SDHAF4: variants seen among roughly 807,000 people sequenced by gnomAD.
SDHAF4 encodes the protein succinate dehydrogenase assembly factor 4, mitochondrial.
Under a neutral mutation model 14.3 loss-of-function variants are expected in SDHAF4, and 14 were observed. The observed-to-expected ratio is 0.98, with a 90% CI of 0.65 to 1.53. The LOEUF (loss-of-function observed/expected upper bound fraction) is 1.53. Ranked by LOEUF, SDHAF4 falls within the 40% of genes most tolerant of loss-of-function variation. SDHAF4 has a pLI of 0.00. For synonymous variants in SDHAF4, 63 were observed against 47.3 expected (o/e 1.33, Z -1.36); for missense variants, 141 against 129.3 (o/e 1.09, Z -0.44).
downstream of SDHAF4, among the ~76,000 whole-genome samples, chr6:70,591,396 A>G (rs1292136244): frequency 1.4e-5 from 2 of 139,848 alleles, no homozygotes; most frequent in African/African-American, 5.6e-5. Context: ...CAGTGGCACA[A>G]TCTCCACTCA....
At chr6:70,593,332 G>A (rs762198148), downstream of SDHAF4, among the ~76,000 whole-genome samples, 6 of 152,214 alleles carry the variant, frequency 3.9e-5, no homozygotes, top group East Asian at 1.9e-4. Flanking sequence ...GTGGGCCCAC[G>A]CAGAGACTTA....
chr6:70,578,871 T>C (rs1047614646), intron 1 of SDHAF4, among the ~76,000 whole-genome samples: 12 of 152,194 alleles, frequency 7.9e-5, no homozygotes, highest in African/African-American at 2.7e-4. Context: ...TTTAGAGACA[T>C]GGTCTCACTA....
chr6:70,590,271 C>T (rs1209670984), downstream of SDHAF4, among the ~76,000 whole-genome samples: 2 of 152,116 alleles, frequency 1.3e-5, no homozygotes, highest in South Asian at 2.1e-4. Flanking sequence ...AAAAGAAAAG[C>T]ACACATTCAA....
intron 1 of SDHAF4, 76 bp from the exon 2 acceptor site, chr6:70,579,338 A>G: frequency 8.5e-7 from 1 of 1,174,580 alleles, no homozygotes; most frequent in Non-Finnish European, 1.1e-6. Flanking sequence ...CTAAAAACAA[A>G]TAAATAAAAT....
chr6:70,592,751 A>G (rs867774565), downstream of SDHAF4, among the ~76,000 whole-genome samples: 31 of 152,396 alleles, frequency 2.0e-4, no homozygotes, highest in African/African-American at 6.7e-4. Flanking sequence ...TCAAAAGGGA[A>G]GCAAAGCAGA....
chr6:70,580,078 A>G (rs752569199), intron 2 of SDHAF4, among the ~76,000 whole-genome samples: 14 of 152,102 alleles, frequency 9.2e-5, no homozygotes, highest in Middle Eastern at 3.2e-3. Flanking sequence ...TAACAAATAT[A>G]TGTGTATATT....
intron 1 of SDHAF4, among the ~76,000 whole-genome samples, chr6:70,570,762 A>G (rs943747485): frequency 6.6e-6 from 1 of 152,172 alleles, no homozygotes; most frequent in African/African-American, 2.4e-5. Flanking sequence ...AGTCATTTAG[A>G]TAAAATTGCT....
At chr6:70,593,500 G>A (rs1412563200), downstream of SDHAF4, among the ~76,000 whole-genome samples, 1 of 152,320 alleles carries the variant, frequency 6.6e-6, no homozygotes, top group East Asian at 1.9e-4. Context: ...AGAGCTACCA[G>A]TATGCAACAC....
chr6:70,574,059 G>T (rs1802219544), intron 1 of SDHAF4, among the ~76,000 whole-genome samples: 2 of 152,006 alleles, frequency 1.3e-5, no homozygotes, highest in Admixed American at 1.3e-4. Flanking sequence ...GGTGGCTCAT[G>T]CCTGTAATCC....
intron 1 of SDHAF4, chr6:70,567,306 G>A (rs996645714): frequency 3.1e-5 from 13 of 425,810 alleles, no homozygotes; most frequent in Non-Finnish European, 4.6e-5. Context: ...TGTTCCTGTG[G>A]GAGCTCGCAG....
chr6:70,570,778 T>G (rs1473899470), intron 1 of SDHAF4, among the ~76,000 whole-genome samples: 1 of 152,212 alleles, frequency 6.6e-6, no homozygotes, highest in Non-Finnish European at 1.5e-5. Context: ...TTGCTACATT[T>G]TTTTTTAAGT....
At chr6:70,574,096 G>A (rs1361560268) in intron 1 of SDHAF4, among the ~76,000 whole-genome samples, 2 of 151,904 alleles carry the variant, frequency 1.3e-5, no homozygotes, top group African/African-American at 4.8e-5. Context: ...CAAGGCGGGT[G>A]GGTCACCTGA....
chr6:70,575,003 C>T (rs143991128), intron 1 of SDHAF4, among the ~76,000 whole-genome samples: 4 of 152,298 alleles, frequency 2.6e-5, no homozygotes, highest in East Asian at 1.9e-4. Flanking sequence ...GCTTCTCCTG[C>T]GCTTTCTGTT....
Position 70,587,168 on chromosome 6 carries a change from T to TCACACACACACACACACACACA in SDHAF4, c.218-1438_218-1417dup, listed in dbSNP as rs56012930. Among the ~76,000 whole-genome samples, 1,049 of 135,468 alleles carry TCACACACACACACACACACACA rather than the reference T, an allele frequency of 7.7e-3. 7 individuals carry two copies. The highest frequency in any genetic ancestry group is 0.013 in the African/African-American group (446 of 35,226). 88.9% of individuals were successfully genotyped at this position (135,468 alleles called of 152,430 possible). On this transcript the variant is annotated intron_variant, in intron 2 of 2. Transcript: ENST00000370474. ...CCTGGGCAATAAGAGTGAAACTCCA[T>TCACACACACACACACACACACA]CACACACACACACACACACACACAC...
downstream of SDHAF4, among the ~76,000 whole-genome samples, chr6:70,589,976 G>C (rs1207026920): frequency 6.6e-6 from 1 of 151,996 alleles, no homozygotes; most frequent in East Asian, 1.9e-4. Context: ...CATATTCGAT[G>C]CCTGTAATCC....
At chr6:70,594,523 T>G (rs576488823), downstream of SDHAF4, among the ~76,000 whole-genome samples, 3 of 152,286 alleles carry the variant, frequency 2.0e-5, no homozygotes, top group South Asian at 2.1e-4. Flanking sequence ...CAGGACTCTA[T>G]AGAGAGTCTA....
At chr6:70,590,435 C>A (rs1765248432), downstream of SDHAF4, among the ~76,000 whole-genome samples, 3 of 152,174 alleles carry the variant, frequency 2.0e-5, no homozygotes, top group Admixed American at 2.0e-4. Flanking sequence ...CCAACTTTTA[C>A]ACCAAATACA....
chr6:70,585,587 G>C (rs9455169), intron 2 of SDHAF4, among the ~76,000 whole-genome samples: 1 of 152,144 alleles, frequency 6.6e-6, no homozygotes, highest in African/African-American at 2.4e-5. Context: ...TGTTATGGCA[G>C]CTCAAGCTAA....
At chr6:70,579,589 C>T in intron 2 of SDHAF4, 23 bp downstream of exon 2, 1 of 1,549,036 alleles carries the variant, frequency 6.5e-7, no homozygotes, top group Non-Finnish European at 8.7e-7. Flanking sequence ...AAGCACCTCT[C>T]AGTTTTTGAA....
Sources: allele counts gnomAD v4.1 joint callset (sites outside exome capture counted in the v4.1 genomes callset), GRCh38; gene constraint gnomAD v4.1.1; transcripts MANE v1.5; gene names NCBI Gene and HGNC (gene_info 2026-07-23, HGNC 2026-07-21).